Variants in TSEN54 observed in about 807,000 individuals in gnomAD.
TSEN54 encodes tRNA splicing endonuclease subunit 54, also known as tRNA-splicing endonuclease subunit Sen54.
A neutral mutation model predicts 61.9 loss-of-function variants in TSEN54; 55 were observed. That is an observed-to-expected ratio of 0.89 (90% CI 0.72 to 1.11). TSEN54 has a LOEUF of 1.11. Among genes scored for constraint, TSEN54 ranks in the 50% most tolerant of loss-of-function variants. The probability of loss-of-function intolerance (pLI) is 0.00; values close to 1 mark genes in which losing one functional copy is unlikely to be tolerated. For missense variants in TSEN54, 760 were observed against 687.7 expected (o/e 1.11, Z -1.18); for synonymous variants, 304 against 288.7 (o/e 1.05, Z -0.54).
intron 6 of TSEN54, among the ~76,000 whole-genome samples, chr17:75,520,792 A>G (rs145308509): frequency 2.1e-3 from 317 of 152,122 alleles, no homozygotes; most frequent in African/African-American, 7.2e-3. Context: ...TGTCTCTACT[A>G]AGAATACAAA....
intron 6 of TSEN54, 128 bp downstream of exon 6, chr17:75,519,175 G>A (rs181992494): frequency 2.9e-6 from 3 of 1,049,764 alleles, no homozygotes; most frequent in African/African-American, 3.1e-5. Context: ...GGCACAGACT[G>A]GGGGCGCCTG....
Position 75,523,786 on chromosome 17 carries a change from A to G in TSEN54, c.1430+7A>G, listed in dbSNP as rs367658427. On this transcript the variant is annotated splice_region_variant and intron_variant, in intron 10 of 10. Transcript: ENST00000333213. ...CCCGGATGTGCATTAGTGGGTACGC[A>G]GTGAGCCAGCACTGCCCCTCCCCCA... 6.8e-6 allele frequency: 11 copies of G among 1,613,040 alleles called. No individual in the cohort carries two copies. The African/African-American group carries it at 1.3e-4, about 20-fold the overall frequency.
intron 5 of TSEN54, 85 bp downstream of exon 5, chr17:75,517,740 G>A: frequency 8.3e-7 from 1 of 1,200,252 alleles, no homozygotes; most frequent in Non-Finnish European, 1.2e-6. Context: ...GCCAGGCACA[G>A]TGTCACATGC....
chr17:75,517,125 CCCTCCCTT>C (rs762102937), intron 3 of TSEN54, 28 bp from the exon 4 acceptor site: 2 of 1,361,216 alleles, frequency 1.5e-6, no homozygotes. Context: ...TCCCTGCCCT[CCCTCCCTT>C]GTGACACTTG....
At chr17:75,520,668 C>T (rs2053418255) in intron 6 of TSEN54, among the ~76,000 whole-genome samples, 1 of 151,658 alleles carries the variant, frequency 6.6e-6, no homozygotes, top group African/African-American at 2.4e-5. Flanking sequence ...TAATTCACAG[C>T]CAGGAGGCCA....
Position 75,522,263 on chromosome 17 carries a change from G to A in TSEN54, c.1182G>A (p.Gln394=). 1 of 1,547,036 alleles carries A rather than the reference G, an allele frequency of 6.5e-7. No individual in the cohort carries two copies. The highest frequency in any genetic ancestry group is 8.7e-7 in the Non-Finnish European group (1 of 1,146,426). Residue 394 remains glutamine (Q), a synonymous_variant, in exon 8 of 11, where the codon CAG becomes CAA. Transcript: ENST00000333213. ...LLQRRQVQRS[Q]RRAPHLWGQP... ...AGCGGCGGCAGGTGCAGAGGAGCCAGCGCCGGGCCCCTCACCTGTGGGGCC... is the reference window on the plus strand; with the variant it reads ...AGCGGCGGCAGGTGCAGAGGAGCCAACGCCGGGCCCCTCACCTGTGGGGCC...
rs767112607 is a variant in TSEN54, at chr17:75,517,030, G to A, written c.243G>A (p.Glu81=). Residue 81 remains glutamate, a synonymous_variant, in exon 3 of 11, where the codon GAG becomes GAA. Coordinates refer to ENST00000333213, the MANE Select transcript of TSEN54 (RefSeq NM_207346.3). ...CCAGGGGCAGCTTGGTGGCTGCCGA[G>A]TGGAGGCCAGAAGAGGGCTTCGTGG... ...VERLGSLVAA[E]WRPEEGFVEL... 6.3e-7 allele frequency: 1 copy of A among 1,593,550 alleles called. No individual in the cohort carries two copies. The highest frequency in any genetic ancestry group is 8.5e-7 in the Non-Finnish European group (1 of 1,170,852).
At position 75,522,116 on chromosome 17, in the gene TSEN54, G is replaced by C. The variant is rs376308638; in HGVS notation, c.1035G>C (p.Lys345Asn). The C allele has an allele frequency of 1.9e-5, 30 of 1,579,418 alleles. No individual in the cohort carries two copies. The African/African-American group carries it at 2.0e-4, about 11-fold the overall frequency. Residue 345 changes from lysine (K) to asparagine (N), a missense_variant, in exon 8 of 11, where the codon AAG becomes AAC. By Grantham distance (94) the Lys-to-Asn change is moderately conservative (BLOSUM62 0). Transcript: ENST00000333213. ...GGTGCCAGAAGCTGAACCAGCGCAA[G>C]GAGAAGCTCTCCAGGCGGGAACGGG... ...ESWCQKLNQR[K>N]EKLSRREREH... is the part of the protein sequence containing the mutation.
chr17:75,524,216 G>T, intron 10 of TSEN54, 46 bp from the exon 11 acceptor site: 1 of 1,613,258 alleles, frequency 6.2e-7, no homozygotes, highest in East Asian at 2.2e-5. Context: ...CTAGAGCTTA[G>T]GAGTGGGCTA....
In TSEN54 at chr17:75,521,907, G is replaced by A. The variant is rs901020121; in HGVS notation, c.826G>A (p.Gly276Arg). The A allele has an allele frequency of 6.2e-6, 10 of 1,609,820 alleles. No individual in the cohort carries two copies. The East Asian group carries it at 2.0e-4, about 32-fold the overall frequency. ...PSPGPAREGV[G>R]CSWESGRAEN... ...CCCTGGCCCGGCCAGGGAGGGGGTG[G>A]GGTGCAGCTGGGAGAGTGGCAGAGC... Residue 276 changes from glycine to arginine, a missense_variant, in exon 8 of 11, where the codon GGG becomes AGG. Gly to Arg is a moderately radical substitution (Grantham distance 125). Coordinates refer to ENST00000333213, the MANE Select transcript of TSEN54 (RefSeq NM_207346.3).
chr17:75,523,542 C>A, intron 9 of TSEN54, 121 bp from the exon 10 acceptor site: 1 of 1,610,318 alleles, frequency 6.2e-7, no homozygotes, highest in South Asian at 1.1e-5. Context: ...TCAGAGCCCC[C>A]AACCCTCAAG....
intron 10 of TSEN54, 70 bp from the exon 11 acceptor site, chr17:75,524,192 C>T: frequency 1.2e-6 from 2 of 1,607,068 alleles, no homozygotes; most frequent in Non-Finnish European, 1.7e-6. Flanking sequence ...CGTAGAATCT[C>T]TTCTCTGGGA....
chr17:75,522,651 C>A, intron 8 of TSEN54: 1 of 849,542 alleles, frequency 1.2e-6, no homozygotes, highest in Non-Finnish European at 1.7e-6. Flanking sequence ...AAGGAGGTGC[C>A]TTCTTGGCCA....
At chr17:75,520,022 C>T (rs1048742808) in intron 6 of TSEN54, among the ~76,000 whole-genome samples, 2 of 152,226 alleles carry the variant, frequency 1.3e-5, no homozygotes, top group African/African-American at 2.4e-5. Context: ...AGAGCAAAAT[C>T]ACTGCCCTCA....
At position 75,524,410 on chromosome 17, in the gene TSEN54, T is replaced by C; in HGVS notation, c.1579T>C (p.Ter527ArgextTer34). The change falls in exon 11 of 11, where the codon TGA becomes CGA. Residue 527 changes from the stop codon to arginine (R), a stop_lost. Coordinates refer to ENST00000333213, the MANE Select transcript of TSEN54 (RefSeq NM_207346.3). ...DFTLPQDVGH[*>R] ...CACGTTGCCCCAGGATGTGGGGCAC[T>C]GACCTCACAGCTCTGCAGAGGATGG... 6.2e-7 allele frequency: 1 copy of C among 1,614,118 alleles called. No homozygotes were observed. Among genetic ancestry groups the C allele is most frequent in the Non-Finnish European group, 8.5e-7 (1 of 1,180,014 alleles).
intron 10 of TSEN54, 46 bp from the exon 11 acceptor site, chr17:75,524,216 G>A: frequency 6.2e-7 from 1 of 1,613,258 alleles, no homozygotes; most frequent in South Asian, 1.1e-5. Flanking sequence ...CTAGAGCTTA[G>A]GAGTGGGCTA....
intron 3 of TSEN54, 30 bp downstream of exon 3, chr17:75,517,102 G>GCCCTCCCTGCCCTCCCTGCCCT (rs1808760419): frequency 9.1e-7 from 1 of 1,096,052 alleles, no homozygotes; most frequent in African/African-American, 4.1e-5. Context: ...ACCGGGGACC[G>GCCCTCCCTGCCCTCCCTGCCCT]CCCTCCCTGC....
rs569090179 is a variant in TSEN54, at chr17:75,522,613, G to C, written c.1252+280G>C. 13 of 1,229,764 alleles carry C rather than the reference G, an allele frequency of 1.1e-5. No homozygotes were observed. In the East Asian group the frequency reaches 2.5e-4, roughly 24 times the overall value. The allele number at this position is 1,229,764 out of a possible 1,614,324, so 76.2% of individuals were successfully genotyped here. On this transcript the variant is annotated intron_variant, in intron 8 of 10. Transcript: ENST00000333213. ...ATGTGGATGGCTTTGCCACCAACTA[G>C]CTGTGATCCCAACCTGTTAGATGGG... is the stretch of plus-strand genomic sequence containing the variant.
chr17:75,521,118 T>TCAGC lies in TSEN54; in HGVS notation c.522-291_522-290insCAGC, dbSNP rs201619633. Among the ~76,000 whole-genome samples, 9 of 152,060 alleles carry TCAGC rather than the reference T, an allele frequency of 5.9e-5. No homozygotes were observed. The South Asian group carries it at 1.9e-3, about 32-fold the overall frequency. ...AAAAAAATATATGGAGAGAGATTAG[T>TCAGC]GTGTACATAAACGAAAGAAAGATGT... is the stretch of plus-strand genomic sequence containing the variant. On this transcript the variant is annotated intron_variant, in intron 6 of 10. Coordinates refer to ENST00000333213, the MANE Select transcript of TSEN54 (RefSeq NM_207346.3).
Sources: allele counts gnomAD v4.1 joint callset (sites outside exome capture counted in the v4.1 genomes callset), GRCh38; gene constraint gnomAD v4.1.1; transcripts MANE v1.5; gene names NCBI Gene and HGNC (gene_info 2026-07-23, HGNC 2026-07-21).